The following ABCC9 variants were observed in gnomAD, a reference collection of about 807,000 sequenced individuals.
The protein encoded by ABCC9 is ATP-binding cassette sub-family C member 9.
ABCC9 carries 95 observed loss-of-function variants against 188.3 expected under a neutral mutation model. The observed-to-expected ratio is 0.50, with a 90% CI of 0.43 to 0.60. ABCC9 has a LOEUF of 0.60. Among genes scored for constraint, ABCC9 ranks in the 20% least tolerant of loss-of-function variants. The pLI is 0.00. For missense variants in ABCC9, 1,102 were observed against 1,876.3 expected (o/e 0.59, Z 7.62); for synonymous variants, 659 against 652.7 (o/e 1.01, Z -0.15).
At chr12:21,896,037 A>G (rs906848662) in intron 12 of ABCC9, among the ~76,000 whole-genome samples, 2 of 151,988 alleles carry the variant, frequency 1.3e-5, no homozygotes, top group African/African-American at 2.4e-5. Context: ...TGTTTGTAAC[A>G]GAGCCAGGCA....
At chr12:21,815,090 G>A (rs1942514372) in intron 34 of ABCC9, among the ~76,000 whole-genome samples, 2 of 152,090 alleles carry the variant, frequency 1.3e-5, no homozygotes, top group African/African-American at 4.8e-5. Flanking sequence ...GGCTCAAGTG[G>A]GAGGATGGCT....
Position 21,815,837 on chromosome 12 carries a change from G to A in ABCC9, c.3949C>T (p.Leu1317=), listed in dbSNP as rs773431560. The change falls in exon 34 of 40, where the codon CTG becomes TTG. Residue 1317 remains leucine (L), a synonymous_variant. Coordinates refer to ENST00000261200, the MANE Select transcript of ABCC9 (RefSeq NM_020297.4). ...PQEGEIKIHD[L]CVRYENNLKP... The stretch of plus-strand genomic sequence containing the variant: ...AGATTATTTTCATATCTGACACACA[G>A]ATCATGTATCTTGATCTCCCCTTCT... 2 of 1,613,294 alleles carry A rather than the reference G, an allele frequency of 1.2e-6. No individual in the cohort carries two copies. Among genetic ancestry groups the A allele is most frequent in the Admixed American group, 1.7e-5 (1 of 59,928 alleles).
intron 39 of ABCC9, among the ~76,000 whole-genome samples, chr12:21,801,610 G>A (rs1034047008): frequency 3.2e-4 from 49 of 152,278 alleles, no homozygotes; most frequent in African/African-American, 1.1e-3. Context: ...CTGGAAAGTG[G>A]TTTAGTTCCG....
chr12:21,844,187 G>T (rs2307026), intron 28 of ABCC9, among the ~76,000 whole-genome samples: 1 of 152,054 alleles, frequency 6.6e-6, no homozygotes, highest in East Asian at 1.9e-4. Context: ...ATGCTGATAT[G>T]ACTTTAATCA....
intron 12 of ABCC9, among the ~76,000 whole-genome samples, chr12:21,901,287 A>C (rs569591025): frequency 6.6e-6 from 1 of 152,338 alleles, no homozygotes; most frequent in South Asian, 2.1e-4. Flanking sequence ...CCTGCCCTAC[A>C]AGAGCTCCTG....
At chr12:21,908,348 TC>T in intron 10 of ABCC9, 137 bp from the exon 11 acceptor site, 1 of 1,099,076 alleles carries the variant, frequency 9.1e-7, no homozygotes, top group South Asian at 1.4e-5. Flanking sequence ...GTATTAGGGT[TC>T]TCTAGAGGGA....
At chr12:21,802,003 A>C (rs1448646051) in intron 39 of ABCC9, among the ~76,000 whole-genome samples, 2 of 152,190 alleles carry the variant, frequency 1.3e-5, no homozygotes, top group East Asian at 3.9e-4. Flanking sequence ...CCATCCTGTC[A>C]TCTAACTGTT....
At chr12:21,852,770 GAAAAT>G (rs1157423986) in intron 22 of ABCC9, among the ~76,000 whole-genome samples, 1 of 151,234 alleles carries the variant, frequency 6.6e-6, no homozygotes. Flanking sequence ...AAAAATTAAA[GAAAAT>G]AAAATAAAAA....
chr12:21,853,076 A>T (rs2137448603), intron 22 of ABCC9, among the ~76,000 whole-genome samples: 1 of 152,304 alleles, frequency 6.6e-6, no homozygotes, highest in Non-Finnish European at 1.5e-5. Flanking sequence ...GCATTTTGGG[A>T]GGCCAAGGCA....
intron 13 of ABCC9, 62 bp downstream of exon 13, chr12:21,895,213 T>C: frequency 7.0e-7 from 1 of 1,434,728 alleles, no homozygotes; most frequent in Non-Finnish European, 9.8e-7. Flanking sequence ...ACATTCTTGC[T>C]CATAAATCAT....
At chr12:21,909,996 C>T (rs748202548) in intron 10 of ABCC9, among the ~76,000 whole-genome samples, 161 bp downstream of exon 10, 2 of 151,920 alleles carry the variant, frequency 1.3e-5, no homozygotes, top group African/African-American at 4.8e-5. Flanking sequence ...CTTGCTTAAC[C>T]TATGCTATAA....
chr12:21,807,518 T>C, intron 37 of ABCC9, 39 bp from the exon 38 acceptor site: 1 of 1,613,166 alleles, frequency 6.2e-7, no homozygotes, highest in Non-Finnish European at 8.5e-7. Context: ...ACTAAAGAAA[T>C]GCTACTAACA....
At chr12:21,898,894 T>A (rs750947690) in intron 12 of ABCC9, among the ~76,000 whole-genome samples, 2 of 152,224 alleles carry the variant, frequency 1.3e-5, no homozygotes, top group Admixed American at 6.5e-5. Flanking sequence ...AAAAGGGTTT[T>A]ATGTGAACGA....
At chr12:21,904,515 T>C (rs1335322890) in intron 12 of ABCC9, among the ~76,000 whole-genome samples, 2 of 152,100 alleles carry the variant, frequency 1.3e-5, no homozygotes, top group African/African-American at 4.8e-5. Flanking sequence ...GAGAAAATTT[T>C]TGCAATCTAC....
intron 35 of ABCC9, among the ~76,000 whole-genome samples, chr12:21,813,486 A>G (rs1352233830): frequency 6.6e-6 from 1 of 152,206 alleles, no homozygotes; most frequent in Non-Finnish European, 1.5e-5. Context: ...TTAATAGCCT[A>G]TGGCTATTAA....
At chr12:21,871,614 A>T (rs1946080594) in intron 18 of ABCC9, among the ~76,000 whole-genome samples, 1 of 152,190 alleles carries the variant, frequency 6.6e-6, no homozygotes, top group South Asian at 2.1e-4. Context: ...GGAATTCATG[A>T]TAGTAGATAC....
chr12:21,915,225 A>ATATGTGTGTGTG, intron 7 of ABCC9, among the ~76,000 whole-genome samples: 1 of 129,158 alleles, frequency 7.7e-6, no homozygotes, highest in East Asian at 2.3e-4. Context: ...TTATATATAT[A>ATATGTGTGTGTG]TGTGTGTGTG....
rs1565722124 is a variant in ABCC9 at position 21,838,181 on chromosome 12, GA to G, written c.3474-12del. ...AGTTCCTGGAGGTCCCTAGTAGAGA[GA>G]GGGGCAAAAATAAACTTCATGTGCA... On this transcript the variant is annotated splice_polypyrimidine_tract_variant and intron_variant, in intron 29 of 39. Coordinates refer to ENST00000261200, the MANE Select transcript of ABCC9 (RefSeq NM_020297.4). The G allele has an allele frequency of 1.3e-6, 2 of 1,585,362 alleles. No individual in the cohort carries two copies. The highest frequency in any genetic ancestry group is 2.2e-5 in the East Asian group (1 of 44,724).
At chr12:21,935,007 T>C (rs1949431178) in intron 3 of ABCC9, among the ~76,000 whole-genome samples, 1 of 152,136 alleles carries the variant, frequency 6.6e-6, no homozygotes, top group Non-Finnish European at 1.5e-5. Flanking sequence ...TTAAGATTGA[T>C]TTATGATCCT....
Sources: allele counts gnomAD v4.1 joint callset (sites outside exome capture counted in the v4.1 genomes callset), GRCh38; gene constraint gnomAD v4.1.1; transcripts MANE v1.5; gene names NCBI Gene and HGNC (gene_info 2026-07-23, HGNC 2026-07-21).